FRMD6: variants seen among roughly 807,000 people sequenced by gnomAD.
The protein encoded by FRMD6 is FERM domain containing 6, also known as FERM domain-containing protein 6.
In FRMD6, 37 loss-of-function variants were observed where a neutral mutation model predicts 73.2. The observed-to-expected ratio is 0.51, with a 90% CI of 0.39 to 0.66. The LOEUF is 0.66. Ranked by LOEUF, FRMD6 falls within the 30% of genes least tolerant of loss-of-function variation. The pLI, the probability that FRMD6 is intolerant of heterozygous loss-of-function variation, is 0.00. For missense variants in FRMD6, 714 were observed against 780.5 expected (o/e 0.91, Z 1.02); for synonymous variants, 273 against 282.2 (o/e 0.97, Z 0.33).
At chr14:51,533,733 G>C (rs574509386) in intron 1 of FRMD6, among the ~76,000 whole-genome samples, 2 of 152,308 alleles carry the variant, frequency 1.3e-5, no homozygotes, top group East Asian at 3.9e-4. Context: ...GTGGTCTCAA[G>C]ATGACATTGC....
Position 51,670,654 on chromosome 14 carries a change from T to C in FRMD6, c.-147+18658T>C, listed in dbSNP as rs565963470. On this transcript the variant is annotated intron_variant, in intron 1 of 13. Coordinates refer to ENST00000344768, the MANE Select transcript of FRMD6 (RefSeq NM_001267046.2). ...TATATATTTAGTTAGGTCTTTTTTT[T>C]TTTTTCTTTGAGATGGAGTCTCACT... 9.2e-5 allele frequency among the ~76,000 whole-genome samples: 14 copies of C among 152,060 alleles called. No homozygotes were observed. In the South Asian group the frequency reaches 2.9e-3, roughly 32 times the overall value.
At chr14:51,473,663 T>G in the FRMD6 span, among the ~76,000 whole-genome samples, 1 of 152,156 alleles carries the variant, frequency 6.6e-6, no homozygotes, top group Non-Finnish European at 1.5e-5. Context: ...GGCTTCTGGC[T>G]CTATCTCAGG....
chr14:51,412,990 ATT>A, the FRMD6 span, among the ~76,000 whole-genome samples: 26,091 of 134,282 alleles, frequency 0.19, 2,435 homozygotes, highest in Middle Eastern at 0.27. Flanking sequence ...CCATAGTTAA[ATT>A]TTTTTTTTTT....
At chr14:51,716,527 C>T (rs975067094) in intron 10 of FRMD6, among the ~76,000 whole-genome samples, 2 of 152,102 alleles carry the variant, frequency 1.3e-5, no homozygotes, top group African/African-American at 2.4e-5. Flanking sequence ...AATACCCATC[C>T]TTTCTTAAAC....
chr14:51,536,669 G>A (rs773590743), intron 1 of FRMD6, among the ~76,000 whole-genome samples: 16 of 151,206 alleles, frequency 1.1e-4, no homozygotes, highest in Non-Finnish European at 1.9e-4. Flanking sequence ...TGCCCGCCTT[G>A]GCCTCCCAAA....
chr14:51,438,725 G>A, the FRMD6 span, among the ~76,000 whole-genome samples: 1 of 152,154 alleles, frequency 6.6e-6, no homozygotes, highest in Non-Finnish European at 1.5e-5. Flanking sequence ...TCAGAACGTT[G>A]TGCCCTTGAT....
chr14:51,409,340 C>CTT, the FRMD6 span, among the ~76,000 whole-genome samples: 331 of 84,132 alleles, frequency 3.9e-3, 3 homozygotes, highest in African/African-American at 0.015. Flanking sequence ...AAGTTTTTTG[C>CTT]TTTTTTTTTT....
chr14:51,521,633 G>C (rs1169438453), intron 1 of FRMD6, among the ~76,000 whole-genome samples: 2 of 151,258 alleles, frequency 1.3e-5, no homozygotes, highest in Admixed American at 1.3e-4. Flanking sequence ...TTTGTTGATA[G>C]ACGCGGGCAG....
At chr14:51,668,966 C>T (rs576780168) in intron 1 of FRMD6, among the ~76,000 whole-genome samples, 40 of 152,224 alleles carry the variant, frequency 2.6e-4, no homozygotes, top group Non-Finnish European at 5.1e-4. Context: ...ACCATGCCTG[C>T]CCAAAATCAG....
chr14:51,583,174 G>GGCTGCA (rs1332106013), intron 2 of FRMD6, among the ~76,000 whole-genome samples: 2 of 152,138 alleles, frequency 1.3e-5, no homozygotes, highest in Admixed American at 6.6e-5. Flanking sequence ...AGAAGCCAGT[G>GGCTGCA]GCTGCAGCTG....
At chr14:51,516,860 T>C (rs1271804614) in intron 1 of FRMD6, among the ~76,000 whole-genome samples, 4 of 152,204 alleles carry the variant, frequency 2.6e-5, no homozygotes, top group Non-Finnish European at 5.9e-5. Flanking sequence ...GAATTTATAA[T>C]TGTGTTTTAA....
intron 1 of FRMD6, chr14:51,489,519 G>A (rs1047179503): frequency 1.1e-4 from 16 of 152,372 alleles, no homozygotes; most frequent in Admixed American, 4.6e-4. Context: ...TAGAATCATC[G>A]AAGGGTTTAA....
intron 1 of FRMD6, among the ~76,000 whole-genome samples, chr14:51,664,369 C>A (rs1320456174): frequency 6.6e-6 from 1 of 152,178 alleles, no homozygotes; most frequent in East Asian, 1.9e-4. Context: ...ATTTTCTCTT[C>A]TGGGAACTAC....
the FRMD6 span, among the ~76,000 whole-genome samples, chr14:51,456,697 A>G: frequency 5.3e-5 from 8 of 152,042 alleles, no homozygotes; most frequent in African/African-American, 1.9e-4. Flanking sequence ...AGAGATCTCC[A>G]CTCCCGCATT....
the FRMD6 span, among the ~76,000 whole-genome samples, chr14:51,444,569 T>A: frequency 6.6e-6 from 1 of 152,166 alleles, no homozygotes; most frequent in South Asian, 2.1e-4. Context: ...TGATGAAAAC[T>A]GAGAGAGAGC....
chr14:51,433,708 A>T, the FRMD6 span, among the ~76,000 whole-genome samples: 1 of 152,246 alleles, frequency 6.6e-6, no homozygotes, highest in African/African-American at 2.4e-5. Flanking sequence ...AAATGAGAAC[A>T]GAGTGGTAGA....
the FRMD6 span, among the ~76,000 whole-genome samples, chr14:51,455,227 C>T: frequency 1.3e-5 from 2 of 152,286 alleles, no homozygotes; most frequent in African/African-American, 2.4e-5. Flanking sequence ...CCTAAGCTAA[C>T]CTGATTATGA....
chr14:51,528,122 A>G (rs1056468149), intron 1 of FRMD6, among the ~76,000 whole-genome samples: 2 of 152,166 alleles, frequency 1.3e-5, no homozygotes, highest in Admixed American at 6.5e-5. Flanking sequence ...AGCCGGGGTG[A>G]CAGAGCAAGA....
At chr14:51,545,776 A>G (rs1886434906) in intron 1 of FRMD6, among the ~76,000 whole-genome samples, 1 of 152,188 alleles carries the variant, frequency 6.6e-6, no homozygotes, top group Non-Finnish European at 1.5e-5. Flanking sequence ...ACTGTTTATC[A>G]AATTGATAAA....
Sources: gnomAD v4.1 joint callset for allele counts (sites outside exome capture counted in the v4.1 genomes callset) on GRCh38, gnomAD v4.1.1 for gene constraint, MANE v1.5 for transcripts, NCBI Gene and HGNC (gene_info 2026-07-23, HGNC 2026-07-21) for gene names.